The following KCNMA1 variants were observed in gnomAD, a reference collection of about 807,000 sequenced individuals.
The protein encoded by KCNMA1 is Calcium-activated potassium channel subunit alpha-1.
Under a neutral mutation model 140.0 loss-of-function variants are expected in KCNMA1, and 29 were observed. The ratio of observed to expected loss-of-function variants is 0.21; its 90% CI spans 0.15 to 0.28. KCNMA1 has a LOEUF of 0.28. Among genes scored for constraint, KCNMA1 ranks in the 10% least tolerant of loss-of-function variants. The probability of loss-of-function intolerance (pLI) is 1.00; values close to 1 mark genes in which losing one functional copy is unlikely to be tolerated. For missense variants in KCNMA1, 880 were observed against 1,602.2 expected (o/e 0.55, Z 7.70); for synonymous variants, 612 against 611.9 (o/e 1.00, Z 0.00).
At chr10:77,087,675 TTTGGA>T (rs2096724396) in intron 10 of KCNMA1, among the ~76,000 whole-genome samples, 2 of 152,340 alleles carry the variant, frequency 1.3e-5, no homozygotes, top group Admixed American at 1.3e-4. Flanking sequence ...CATCTTTCTC[TTTGGA>T]GGACAAGGAT....
intron 1 of KCNMA1, among the ~76,000 whole-genome samples, chr10:77,406,805 A>G (rs2096486393): frequency 6.6e-6 from 1 of 152,122 alleles, no homozygotes; most frequent in African/African-American, 2.4e-5. Flanking sequence ...TTTTGAGTCA[A>G]GCCTCCCAGG....
At chr10:76,916,417 T>C (rs1466454355) in intron 23 of KCNMA1, among the ~76,000 whole-genome samples, 1 of 152,242 alleles carries the variant, frequency 6.6e-6, no homozygotes, top group Non-Finnish European at 1.5e-5. Flanking sequence ...GTTAAGGTTT[T>C]GCATGGACAC....
At chr10:77,523,075 C>T (rs562971440) in intron 1 of KCNMA1, among the ~76,000 whole-genome samples, 1 of 152,170 alleles carries the variant, frequency 6.6e-6, no homozygotes, top group South Asian at 2.1e-4. Context: ...CCCCTGAACT[C>T]TCTCATGCTC....
chr10:77,186,761 C>T (rs1299718861), intron 3 of KCNMA1, among the ~76,000 whole-genome samples: 1 of 146,768 alleles, frequency 6.8e-6, no homozygotes, highest in Admixed American at 7.0e-5. Flanking sequence ...CTGCAGGATA[C>T]GTTACTAAAG....
At chr10:77,636,857 G>C in intron 1 of KCNMA1, 1 of 1,429,436 alleles carries the variant, frequency 7.0e-7, no homozygotes, top group East Asian at 2.5e-5. Context: ...ACCGCCAGGA[G>C]CCGAGCCCCG....
intron 2 of KCNMA1, among the ~76,000 whole-genome samples, chr10:77,280,899 T>C (rs996192667): frequency 3.3e-5 from 5 of 152,176 alleles, no homozygotes; most frequent in Non-Finnish European, 1.5e-5. Flanking sequence ...CTTTAACACA[T>C]ATTCATTTTG....
chr10:76,887,746 G>C (rs950707905), intron 27 of KCNMA1: 7 of 565,632 alleles, frequency 1.2e-5, no homozygotes, highest in East Asian at 9.3e-5. Flanking sequence ...TGTGGAATTA[G>C]AGCCAGTAAT....
rs780762891 is a variant in KCNMA1, at chr10:76,909,987, G to A, written c.3126C>T (p.Val1042=). ...TCACCGCGCTCATGAGTGAGTCCAG[G>A]ACACTGACGGCAAATGCTGTCCCAC... ...FACGTAFAVS[V]LDSLMSATYF... The change falls in exon 25 of 28, where the codon GTC becomes GTT. Residue 1042 remains valine (V), a synonymous_variant. Transcript: ENST00000286628. 1 of 1,613,912 alleles carries A rather than the reference G, an allele frequency of 6.2e-7. No individual in the cohort carries two copies. The highest frequency in any genetic ancestry group is 8.5e-7 in the Non-Finnish European group (1 of 1,179,956).
intron 14 of KCNMA1, among the ~76,000 whole-genome samples, chr10:77,058,039 T>C (rs1309351517): frequency 6.6e-6 from 1 of 151,204 alleles, no homozygotes; most frequent in Non-Finnish European, 1.5e-5. Flanking sequence ...GTTTTAAAGA[T>C]AGGTTTGGTT....
intron 14 of KCNMA1, among the ~76,000 whole-genome samples, chr10:77,059,745 T>C (rs948730402): frequency 6.6e-6 from 1 of 152,134 alleles, no homozygotes; most frequent in African/African-American, 2.4e-5. Context: ...ACATCTATAG[T>C]TCATATCATA....
chr10:77,043,767 C>G (rs1246361261), intron 14 of KCNMA1, among the ~76,000 whole-genome samples: 3 of 152,272 alleles, frequency 2.0e-5, no homozygotes, highest in African/African-American at 7.2e-5. Flanking sequence ...TATGATTCCA[C>G]TTATATGAGG....
chr10:77,184,318 C>T (rs1444986163), intron 4 of KCNMA1, among the ~76,000 whole-genome samples: 5 of 152,178 alleles, frequency 3.3e-5, no homozygotes, highest in Admixed American at 1.3e-4. Flanking sequence ...CTCCCAGGTT[C>T]AAGCAATTCT....
intron 29 of KCNMA1, chr10:76,877,918 CAAG>C (rs1207552246): frequency 1.9e-6 from 3 of 1,600,572 alleles, no homozygotes; most frequent in South Asian, 2.3e-5. Flanking sequence ...GGATAGAGAA[CAAG>C]AAGGAGAAAT....
intron 24 of KCNMA1, chr10:76,911,651 C>T (rs1458609315): frequency 6.6e-6 from 1 of 152,142 alleles, no homozygotes; most frequent in East Asian, 1.9e-4. Flanking sequence ...TCATGATCTC[C>T]CTTCTGACAT....
intron 9 of KCNMA1, among the ~76,000 whole-genome samples, chr10:77,094,402 A>G (rs2096880976): frequency 6.6e-6 from 1 of 152,136 alleles, no homozygotes; most frequent in South Asian, 2.1e-4. Context: ...GGGCAAGCAG[A>G]AATGGACCCA....
At chr10:77,628,017 C>T (rs776635229) in intron 1 of KCNMA1, among the ~76,000 whole-genome samples, 1 of 152,142 alleles carries the variant, frequency 6.6e-6, no homozygotes, top group Non-Finnish European at 1.5e-5. Flanking sequence ...ATCCCACCCC[C>T]CAGCCCCAGT....
At chr10:77,140,466 G>A (rs2098139698) in intron 5 of KCNMA1, 1 of 152,720 alleles carries the variant, frequency 6.5e-6, no homozygotes, top group Admixed American at 6.5e-5. Context: ...CGGTTCTGCT[G>A]GATGGGTGGC....
chr10:77,442,017 C>CA (rs1316175256), intron 1 of KCNMA1, among the ~76,000 whole-genome samples: 1 of 152,196 alleles, frequency 6.6e-6, no homozygotes, highest in African/African-American at 2.4e-5. Context: ...TCAACTGCGC[C>CA]AGCAAGGAGA....
At chr10:77,303,745 T>G (rs1319077217) in intron 2 of KCNMA1, among the ~76,000 whole-genome samples, 2 of 152,100 alleles carry the variant, frequency 1.3e-5, no homozygotes, top group Non-Finnish European at 2.9e-5. Context: ...AAATGTGAAT[T>G]CTTGGGCCAC....
Sources: gnomAD v4.1 joint callset for allele counts (sites outside exome capture counted in the v4.1 genomes callset) on GRCh38, gnomAD v4.1.1 for gene constraint, MANE v1.5 for transcripts, NCBI Gene and HGNC (gene_info 2026-07-23, HGNC 2026-07-21) for gene names.